The following ERC1 variants were observed in gnomAD, a reference collection of about 807,000 sequenced individuals.
The protein encoded by ERC1 is RAB6 interacting protein 2.
ERC1 carries 56 observed loss-of-function variants against 132.0 expected under a neutral mutation model. The ratio of observed to expected loss-of-function variants is 0.42; its 90% CI spans 0.34 to 0.53. The LOEUF (loss-of-function observed/expected upper bound fraction) is 0.53, where lower values mean the gene tolerates loss of function less well. ERC1 is among the 20% of genes least tolerant of loss of function. The pLI is 0.03. For missense variants in ERC1, 1,202 were observed against 1,349.9 expected, an observed-to-expected ratio of 0.89 and a Z score of 1.72; for synonymous variants, 478 against 476.1, an observed-to-expected ratio of 1.00 and a Z score of -0.05.
intron 18 of ERC1, among the ~76,000 whole-genome samples, chr12:1,474,870 GGTAGGGTGAGGCATTCTC>G (rs1296931721): frequency 6.6e-6 from 1 of 152,118 alleles, no homozygotes; most frequent in African/African-American, 2.4e-5. Flanking sequence ...CCTGCACAGT[GGTAGGGTGAGGCATTCTC>G]CCCTTCCCTC....
At chr12:1,382,578 C>G (rs1056903257) in intron 16 of ERC1, among the ~76,000 whole-genome samples, 2 of 152,222 alleles carry the variant, frequency 1.3e-5, no homozygotes, top group African/African-American at 4.8e-5. Flanking sequence ...GGCTGCCTGA[C>G]TTGCCTCTTC....
chr12:1,412,492 T>C (rs1449179252), intron 17 of ERC1, among the ~76,000 whole-genome samples: 1 of 152,076 alleles, frequency 6.6e-6, no homozygotes, highest in African/African-American at 2.4e-5. Flanking sequence ...GGGATGCCTA[T>C]GTTCAGATTC....
chr12:1,408,142 T>C lies in ERC1; in HGVS notation c.2926-7T>C. ...TAAATTTAACCTTATGAATAATTTC[T>C]TCCTAGACGCAAAATCGAATGAAGC... is the stretch of plus-strand genomic sequence containing the variant. On this transcript the variant is annotated splice_polypyrimidine_tract_variant and splice_region_variant and intron_variant, in intron 16 of 18. Transcript: ENST00000360905. 6.2e-7 allele frequency: 1 copy of C among 1,608,610 alleles called. No individual in the cohort carries two copies. Among genetic ancestry groups the C allele is most frequent in the Non-Finnish European group, 8.5e-7 (1 of 1,175,134 alleles).
intron 16 of ERC1, among the ~76,000 whole-genome samples, chr12:1,389,437 A>G (rs1363054642): frequency 6.6e-6 from 1 of 152,206 alleles, no homozygotes; most frequent in African/African-American, 2.4e-5. Flanking sequence ...AAATATTAAC[A>G]CAGGCCATTC....
At chr12:1,338,741 G>GA (rs1238906583) in intron 15 of ERC1, among the ~76,000 whole-genome samples, 1 of 151,744 alleles carries the variant, frequency 6.6e-6, no homozygotes, top group East Asian at 1.9e-4. Context: ...TACACTATTT[G>GA]ATGACCTTCA....
At chr12:1,123,578 A>G (rs1477594664) in intron 7 of ERC1, among the ~76,000 whole-genome samples, 4 of 152,240 alleles carry the variant, frequency 2.6e-5, no homozygotes, top group Admixed American at 2.6e-4. Context: ...AATATGATTT[A>G]TTTTAATATT....
chr12:1,146,394 TGTA>T (rs1950371702), intron 8 of ERC1, among the ~76,000 whole-genome samples: 1 of 149,926 alleles, frequency 6.7e-6, no homozygotes. Flanking sequence ...ACTATTGATG[TGTA>T]GTAGTGCTGC....
At chr12:1,136,238 G>A (rs1352485211) in intron 7 of ERC1, among the ~76,000 whole-genome samples, 1 of 152,094 alleles carries the variant, frequency 6.6e-6, no homozygotes, top group Admixed American at 6.5e-5. Context: ...CTATGCTTTA[G>A]CAATTCTCTA....
intron 8 of ERC1, among the ~76,000 whole-genome samples, chr12:1,161,220 G>C (rs1261383523): frequency 6.6e-6 from 1 of 152,046 alleles, no homozygotes; most frequent in East Asian, 1.9e-4. Flanking sequence ...ATGGTATACG[G>C]TGGGGCAAAA....
intron 3 of ERC1, among the ~76,000 whole-genome samples, chr12:1,099,212 A>T (rs1009034253): frequency 6.6e-6 from 1 of 152,188 alleles, no homozygotes; most frequent in Non-Finnish European, 1.5e-5. Context: ...TAATTAAAAT[A>T]AAAAGAGTGA....
rs12321803 is a variant in ERC1 at position 1,390,248 on chromosome 12, C to G, written c.2926-17901C>G. On this transcript the variant is annotated intron_variant, in intron 16 of 18. Transcript: ENST00000360905. ...AACAGGGATAAGTCAGCCTGTTTAG[C>G]GATAAACCTGTCTCTTGATATATTT... 2.0e-5 allele frequency among the ~76,000 whole-genome samples: 3 copies of G among 151,948 alleles called. No individual in the cohort carries two copies. The South Asian group carries it at 6.2e-4, about 32-fold the overall frequency.
chr12:1,238,870 T>C (rs550751856), intron 13 of ERC1, among the ~76,000 whole-genome samples: 1 of 152,260 alleles, frequency 6.6e-6, no homozygotes, highest in East Asian at 1.9e-4. Flanking sequence ...ATATTATTTA[T>C]ATTTTACCTA....
At chr12:1,369,970 A>G (rs1218929421) in intron 15 of ERC1, among the ~76,000 whole-genome samples, 1 of 152,230 alleles carries the variant, frequency 6.6e-6, no homozygotes, top group Non-Finnish European at 1.5e-5. Context: ...TTCAGTAGAC[A>G]GATAGTCTTC....
chr12:1,326,499 C>G (rs1316720440), intron 15 of ERC1, among the ~76,000 whole-genome samples: 1 of 152,156 alleles, frequency 6.6e-6, no homozygotes, highest in Admixed American at 6.5e-5. Flanking sequence ...CCTGATAGTA[C>G]CATTTTCCAG....
At chr12:1,090,872 A>G (rs61919992) in intron 3 of ERC1, among the ~76,000 whole-genome samples, 613 of 2,252 alleles carry the variant, frequency 0.27, 134 homozygotes, top group African/African-American at 0.27. Flanking sequence ...TGTTGTTATT[A>G]TTATTATTAT....
At chr12:1,116,540 G>A (rs1396238234) in intron 7 of ERC1, among the ~76,000 whole-genome samples, 3 of 151,362 alleles carry the variant, frequency 2.0e-5, no homozygotes, top group African/African-American at 7.3e-5. Context: ...TTCATATCCT[G>A]TTTGAAAATA....
intron 8 of ERC1, among the ~76,000 whole-genome samples, chr12:1,177,405 T>A (rs149508482): frequency 6.6e-5 from 10 of 152,266 alleles, no homozygotes; most frequent in Non-Finnish European, 8.8e-5. Flanking sequence ...ATTTCTAAAT[T>A]TTGACTAAAA....
At chr12:1,400,854 C>A (rs1283874031) in intron 16 of ERC1, among the ~76,000 whole-genome samples, 2 of 144,060 alleles carry the variant, frequency 1.4e-5, no homozygotes, top group African/African-American at 5.1e-5. Context: ...GATCTGAAAT[C>A]AGAAAGTATG....
intron 1 of ERC1, among the ~76,000 whole-genome samples, chr12:998,053 T>C (rs1565742737): frequency 6.6e-6 from 1 of 152,218 alleles, no homozygotes; most frequent in Non-Finnish European, 1.5e-5. Flanking sequence ...ACTTTATTGC[T>C]CTAAGTTGCT....
Sources: gnomAD v4.1 joint callset for allele counts (sites outside exome capture counted in the v4.1 genomes callset) on GRCh38, gnomAD v4.1.1 for gene constraint, MANE v1.5 for transcripts, NCBI Gene and HGNC (gene_info 2026-07-23, HGNC 2026-07-21) for gene names.